The following ZNF337 variants were observed in gnomAD, a reference collection of about 807,000 sequenced individuals.
ZNF337 encodes zinc finger protein 337.
ZNF337 carries 8 observed loss-of-function variants against 12.1 expected under a neutral mutation model. The observed-to-expected ratio is 0.66, with a 90% CI of 0.39 to 1.19. The LOEUF (loss-of-function observed/expected upper bound fraction) is 1.19, where lower values mean the gene tolerates loss of function less well. Among genes scored for constraint, ZNF337 ranks in the 50% most tolerant of loss-of-function variants. The pLI, the probability that ZNF337 is intolerant of heterozygous loss-of-function variation, is 0.01. For synonymous variants in ZNF337, 336 were observed against 320.0 expected, an observed-to-expected ratio of 1.05 and a Z score of -0.53; for missense variants, 882 against 896.6, an observed-to-expected ratio of 0.98 and a Z score of 0.21.
chr20:25,687,962 C>T (rs1282497954), intron 1 of ZNF337, among the ~76,000 whole-genome samples: 2 of 152,302 alleles, frequency 1.3e-5, no homozygotes, highest in East Asian at 3.9e-4. Context: ...GCAAAATAAA[C>T]ATCTAAATTG....
chr20:25,675,466 C>T lies in ZNF337; in HGVS notation c.1822G>A (p.Gly608Arg). Residue 608 changes from glycine to arginine, a missense_variant, in exon 5 of 5, where the codon GGA (glycine) becomes AGA (arginine). Coordinates refer to ENST00000252979, the MANE Select transcript of ZNF337 (RefSeq NM_015655.4). ...KPFICSECGQ[G>R]FIWKSNLVKH... The stretch of plus-strand genomic sequence containing the variant: ...ACAAGATTTGACTTCCAGATAAATC[C>T]TTGCCCACATTCACTACAGATGAAA... 1.9e-6 allele frequency: 3 copies of T among 1,613,994 alleles called. No homozygotes were observed. The highest frequency in any genetic ancestry group is 2.5e-6 in the Non-Finnish European group (3 of 1,180,014).
chr20:25,676,469 A>G lies in ZNF337; in HGVS notation c.819T>C (p.Tyr273=), dbSNP rs767804005. 7 of 1,613,632 alleles carry G rather than the reference A, an allele frequency of 4.3e-6. 1 individual carries two copies. In the South Asian group the frequency reaches 6.6e-5, roughly 15 times the overall value. Residue 273 remains tyrosine (Y), a synonymous_variant, in exon 5 of 5, where the codon TAT becomes TAC. Coordinates refer to ENST00000252979, the MANE Select transcript of ZNF337 (RefSeq NM_015655.4). ...PFLCKVCGRG[Y]TSKSYLTVHE... ...GCACAGTGAGGTATGACTTACTGGT[A>G]TAGCCTCGTCCACACACCTTGCACA...
rs751112794 is a variant in ZNF337, at chr20:25,676,528, G to T, written c.760C>A (p.His254Asn). Residue 254 changes from histidine (H) to asparagine (N), a missense_variant, in exon 5 of 5, where the codon CAC (histidine) becomes AAC (asparagine). Transcript: ENST00000252979. ...TTCTCTCCTGAGTGTGTCCTCTGGTGTCTGAGGAGGTTGGCCTTGAGGCTG... is the reference window on the plus strand; with the variant it reads ...TTCTCTCCTGAGTGTGTCCTCTGGTTTCTGAGGAGGTTGGCCTTGAGGCTG... Reference protein sequence around the residue: ...GFSLKANLLRHQRTHSGEKPF... With the variant: ...GFSLKANLLRNQRTHSGEKPF... 2.4e-5 allele frequency: 39 copies of T among 1,614,064 alleles called. No homozygotes were observed. The highest frequency in any genetic ancestry group is 3.1e-5 in the Non-Finnish European group (36 of 1,180,042).
rs1600426765 is a variant in ZNF337, at chr20:25,675,038, T to A, written c.2250A>T (p.Ser750=). The A allele has an allele frequency of 1.9e-6, 3 of 1,612,174 alleles. No homozygotes were observed. The highest frequency in any genetic ancestry group is 1.3e-5 in the African/African-American group (1 of 74,994). ...RFCTGSVGEA[S]S ...TGGATGGTGAGATATAACTTCAAGA[T>A]GAAGCCTCACCCACACTCCCTGTAC... Residue 750 remains serine, a synonymous_variant, in exon 5 of 5, where the codon TCA becomes TCT. Transcript: ENST00000252979.
rs62211539 is a variant in ZNF337 at position 25,673,306 on chromosome 20, G to C, written c.*1726C>G. On this transcript the variant is annotated 3_prime_UTR_variant, in exon 5 of 5. Transcript: ENST00000252979. ...GAAAGTTATGGAAGTTGAAGGGCAA[G>C]CATCACAAATACCATTTACAAAAGG... is the stretch of plus-strand genomic sequence containing the variant. Among the ~76,000 whole-genome samples the C allele has an allele frequency of 0.022, 3,425 of 152,318 alleles. 48 individuals are homozygous for C. Among genetic ancestry groups the C allele is most frequent in the Middle Eastern group, 0.085 (25 of 294 alleles).
chr20:25,689,414 G>T (rs1240355987), intron 1 of ZNF337, among the ~76,000 whole-genome samples: 3 of 152,090 alleles, frequency 2.0e-5, no homozygotes, highest in Non-Finnish European at 4.4e-5. Context: ...TCCTTTTCAT[G>T]TATTGCTGGA....
intron 1 of ZNF337, among the ~76,000 whole-genome samples, chr20:25,696,101 C>A (rs985027444): frequency 4.1e-4 from 48 of 116,494 alleles, no homozygotes; most frequent in South Asian, 2.2e-3. Flanking sequence ...CCCCCCCCCC[C>A]ACCAAAACAC....
In ZNF337 at chr20:25,675,001, T is replaced by A. The variant is rs778026408; in HGVS notation, c.*31A>T. On this transcript the variant is annotated 3_prime_UTR_variant, in exon 5 of 5. Coordinates refer to ENST00000252979, the MANE Select transcript of ZNF337 (RefSeq NM_015655.4). ...AACAAAGCAAAGTTACTCTCCTGAG[T>A]GTGTCCTCTGATGGATGGTGAGATA... 2.5e-6 allele frequency: 4 copies of A among 1,588,270 alleles called. No individual in the cohort carries two copies. In the African/African-American group the frequency reaches 5.4e-5, roughly 21 times the overall value.
At chr20:25,696,633 G>A in intron 1 of ZNF337, 126 bp downstream of exon 1, 5 of 643,124 alleles carry the variant, frequency 7.8e-6, no homozygotes, top group Non-Finnish European at 9.7e-6. Context: ...AGAACGCGGA[G>A]ACGCCGGGCC....
rs367982268 is a variant in ZNF337, at chr20:25,676,333, G to T, written c.955C>A (p.Pro319Thr). ...CGCCCACACTCCTTGCACACAAAAG[G>T]CTTCTCCCCTGAATGCGCCTTCAAG... Reference protein sequence around the residue: ...KHLKAHSGEKPFVCKECGRGY... With the variant: ...KHLKAHSGEKTFVCKECGRGY... The change falls in exon 5 of 5, where the codon CCT (proline) becomes ACT (threonine). Residue 319 changes from proline to threonine, a missense_variant. Transcript: ENST00000252979. 73 of 1,612,942 alleles carry T rather than the reference G, an allele frequency of 4.5e-5. No homozygotes were observed. Among genetic ancestry groups the T allele is most frequent in the Middle Eastern group, 1.6e-4 (1 of 6,076 alleles).
intron 1 of ZNF337, 108 bp from the exon 2 acceptor site, chr20:25,686,574 C>T: frequency 1.3e-6 from 1 of 792,738 alleles, no homozygotes; most frequent in Non-Finnish European, 2.0e-6. Flanking sequence ...GGCGCACCTG[C>T]ACAATTCCCC....
At chr20:25,695,362 A>G (rs1220276013) in intron 1 of ZNF337, among the ~76,000 whole-genome samples, 1 of 152,226 alleles carries the variant, frequency 6.6e-6, no homozygotes, top group East Asian at 1.9e-4. Context: ...CTTCATCTAC[A>G]TAATAAGAAC....
intron 4 of ZNF337, among the ~76,000 whole-genome samples, chr20:25,679,504 G>T (rs1460881112): frequency 1.3e-5 from 2 of 152,058 alleles, no homozygotes; most frequent in African/African-American, 2.4e-5. Flanking sequence ...GTGGGAAAAG[G>T]ATCTGAATAG....
Position 25,676,827 on chromosome 20 carries a change from G to A in ZNF337, c.461C>T (p.Ser154Phe), listed in dbSNP as rs766100182. The A allele has an allele frequency of 1.2e-6, 2 of 1,614,130 alleles. No homozygotes were observed. The highest frequency in any genetic ancestry group is 2.2e-5 in the South Asian group (2 of 91,084). Residue 154 changes from serine to phenylalanine, a missense_variant, in exon 5 of 5, where the codon TCT (serine) becomes TTT (phenylalanine). By Grantham distance (155) the Ser-to-Phe change is radical. Transcript: ENST00000252979. ...AGGATTTTCCCTCTGGCCTTGACTA[G>A]ACTCTATTTCCACTACACTGTTCCT... ...RRRNSVVEIE[S>F]SQGQRENPTE... is the part of the protein sequence containing the mutation.
intron 4 of ZNF337, 29 bp downstream of exon 4, chr20:25,685,538 T>C: frequency 1.3e-6 from 2 of 1,589,060 alleles, no homozygotes; most frequent in South Asian, 1.1e-5. Flanking sequence ...GAGTGCCTTG[T>C]GCTCTGTCTG....
At chr20:25,684,060 G>A (rs2065798350) in intron 4 of ZNF337, among the ~76,000 whole-genome samples, 1 of 151,980 alleles carries the variant, frequency 6.6e-6, no homozygotes, top group Non-Finnish European at 1.5e-5. Context: ...ACAGGGACAT[G>A]GATGAAGTTG....
chr20:25,686,532 G>A (rs1410936239), intron 1 of ZNF337, 66 bp from the exon 2 acceptor site: 1 of 1,252,172 alleles, frequency 8.0e-7, no homozygotes, highest in Admixed American at 2.0e-5. Context: ...GACAGTTGGT[G>A]TGATTCCAAT....
At chr20:25,686,148 C>T (rs2065831171) in intron 2 of ZNF337, 26 bp from the exon 3 acceptor site, 9 of 1,613,538 alleles carry the variant, frequency 5.6e-6, no homozygotes, top group Non-Finnish European at 7.6e-6. Flanking sequence ...CAGGCATGCT[C>T]ACCAGGGACA....
intron 4 of ZNF337, 37 bp downstream of exon 4, chr20:25,685,530 G>A (rs1457505378): frequency 1.9e-6 from 3 of 1,558,352 alleles, no homozygotes; most frequent in Non-Finnish European, 2.6e-6. Context: ...GAAAGGCGGA[G>A]TGCCTTGTGC....
Sources: allele counts gnomAD v4.1 joint callset (sites outside exome capture counted in the v4.1 genomes callset), GRCh38; gene constraint gnomAD v4.1.1; transcripts MANE v1.5; gene names NCBI Gene and HGNC (gene_info 2026-07-23, HGNC 2026-07-21).